SRP54: variants seen among roughly 807,000 people sequenced by gnomAD.
SRP54 encodes signal recognition particle 54.
SRP54 carries 10 observed loss-of-function variants against 64.8 expected under a neutral mutation model. That is an observed-to-expected ratio of 0.15 (90% CI 0.10 to 0.26). The LOEUF is 0.26. SRP54 is among the 10% of genes least tolerant of loss of function. The probability of loss-of-function intolerance (pLI) is 1.00; values close to 1 mark genes in which losing one functional copy is unlikely to be tolerated. For missense variants in SRP54, 325 were observed against 613.7 expected (o/e 0.53, Z 4.97); for synonymous variants, 193 against 185.6 (o/e 1.04, Z -0.32).
intron 13 of SRP54, among the ~76,000 whole-genome samples, chr14:35,020,852 A>G (rs1214099379): frequency 6.6e-6 from 1 of 152,208 alleles, no homozygotes; most frequent in Non-Finnish European, 1.5e-5. Context: ...TCAAATTAGG[A>G]AACTGGGATA....
At position 34,988,575 on chromosome 14, in the gene SRP54, A is replaced by AT. The variant is rs1335355701; in HGVS notation, c.-34+5360_-34+5361insT. ...GACTCCATCTCAAAAAAAAAAAAAA[A>AT]AAAATATATATATATATATAACATA... On this transcript the variant is annotated intron_variant, in intron 1 of 15. Coordinates refer to ENST00000216774, the MANE Select transcript of SRP54 (RefSeq NM_003136.4). Among the ~76,000 whole-genome samples, 254 of 26,394 alleles carry AT rather than the reference A, an allele frequency of 9.6e-3. 9 individuals carry two copies. The highest frequency in any genetic ancestry group is 0.025 in the Non-Finnish European group (171 of 6,886). The allele number at this position is 26,394 out of a possible 152,430, so 17.3% of individuals were successfully genotyped here.
At position 35,022,882 on chromosome 14, in the gene SRP54, G is replaced by T. The variant is rs759705044; in HGVS notation, c.1157-28G>T. 1.9e-6 allele frequency: 3 copies of T among 1,562,102 alleles called. No homozygotes were observed. In the African/African-American group the frequency reaches 4.1e-5, roughly 21 times the overall value. ...TGCTTTGATGGTGAATGATAATTGTGTGTGAGAGTAACTGACCTTGTCTAC... is the reference window on the plus strand; with the variant it reads ...TGCTTTGATGGTGAATGATAATTGTTTGTGAGAGTAACTGACCTTGTCTAC... On this transcript the variant is annotated intron_variant, in intron 13 of 15. Coordinates refer to ENST00000216774, the MANE Select transcript of SRP54 (RefSeq NM_003136.4).
intron 4 of SRP54, among the ~76,000 whole-genome samples, chr14:35,003,692 C>T (rs1039444808): frequency 9.8e-4 from 148 of 151,412 alleles, no homozygotes; most frequent in African/African-American, 3.3e-3. Flanking sequence ...ACCTGAGCCT[C>T]CTAGTAGCTG....
At chr14:34,993,804 A>C (rs1203946903) in intron 1 of SRP54, among the ~76,000 whole-genome samples, 1 of 149,754 alleles carries the variant, frequency 6.7e-6, no homozygotes, top group African/African-American at 2.5e-5. Flanking sequence ...CAAGCGATTC[A>C]CCTGTCTCAG....
chr14:35,020,412 T>C (rs1595011846), intron 13 of SRP54, among the ~76,000 whole-genome samples: 3 of 152,210 alleles, frequency 2.0e-5, no homozygotes, highest in African/African-American at 7.2e-5. Context: ...AAAAGATTTC[T>C]CTGTAGTATT....
At position 35,011,527 on chromosome 14, in the gene SRP54, T is replaced by G; in HGVS notation, c.504T>G (p.Pro168=). The G allele has an allele frequency of 6.5e-6, 10 of 1,549,894 alleles. No homozygotes were observed. The highest frequency in any genetic ancestry group is 8.8e-6 in the Non-Finnish European group (10 of 1,141,822). ...TATATAGCTATACAGAAATGGATCC[T>G]GTCATCATTGCTTCTGAAGGAGTAG... ...PFYGSYTEMD[P]VIIASEGVEK... is the part of the protein sequence containing the mutation. The change falls in exon 8 of 16, where the codon CCT becomes CCG. Residue 168 remains proline (P), a synonymous_variant. Transcript: ENST00000216774.
Position 35,011,623 on chromosome 14 carries a change from T to C in SRP54, c.600T>C (p.Ser200=). Residue 200 remains serine (S), a synonymous_variant, in exon 8 of 16, where the codon TCT becomes TCC. Coordinates refer to ENST00000216774, the MANE Select transcript of SRP54 (RefSeq NM_003136.4). The stretch of plus-strand genomic sequence containing the variant: ...GTGGCCGCCACAAACAAGAAGACTC[T>C]TTGTTTGAAGAAATGCTTCAAGTTG... ...DTSGRHKQED[S]LFEEMLQVAN... is the part of the protein sequence containing the mutation. 6.3e-7 allele frequency: 1 copy of C among 1,586,200 alleles called. No homozygotes were observed. The highest frequency in any genetic ancestry group is 1.3e-5 in the African/African-American group (1 of 74,486).
chr14:35,007,304 G>A lies in SRP54; in HGVS notation c.277G>A (p.Ala93Thr). The A allele has an allele frequency of 6.3e-7, 1 of 1,589,408 alleles. No homozygotes were observed. The highest frequency in any genetic ancestry group is 8.6e-7 in the Non-Finnish European group (1 of 1,163,438). ...LVKLVDPGVK[A>T]WTPTKGKQNV... Reference sequence around the variant, plus strand: ...TTAGCTTGTAGACCCTGGAGTTAAGGCATGGACACCCACTAAAGGAAAACA... The same window carrying A: ...TTAGCTTGTAGACCCTGGAGTTAAGACATGGACACCCACTAAAGGAAAACA... The change falls in exon 5 of 16, where the codon GCA (alanine) becomes ACA (threonine). Residue 93 changes from alanine to threonine, a missense_variant. Transcript: ENST00000216774.
intron 10 of SRP54, 111 bp from the exon 11 acceptor site, chr14:35,014,633 A>C: frequency 2.4e-6 from 2 of 817,472 alleles, no homozygotes; most frequent in South Asian, 1.6e-5. Flanking sequence ...TGTAGTAAGA[A>C]TACCTAACCT....
At chr14:34,992,526 A>G (rs911473412) in intron 1 of SRP54, among the ~76,000 whole-genome samples, 6 of 152,296 alleles carry the variant, frequency 3.9e-5, no homozygotes, top group African/African-American at 1.4e-4. Context: ...ATCCTAAGAG[A>G]ACTAATTCAG....
intron 1 of SRP54, among the ~76,000 whole-genome samples, chr14:34,987,539 G>A (rs1420518713): frequency 6.6e-6 from 1 of 151,956 alleles, no homozygotes; most frequent in African/African-American, 2.4e-5. Flanking sequence ...ACCATAATAT[G>A]TGATCTTTTG....
rs1341576257 is a variant in SRP54, at chr14:34,987,284, TATACACAC to T, written c.-34+4071_-34+4078del. Among the ~76,000 whole-genome samples the T allele has an allele frequency of 1.7e-4, 22 of 127,160 alleles. No individual in the cohort carries two copies. The East Asian group carries it at 5.2e-3, about 30-fold the overall frequency. 83.4% of individuals were successfully genotyped at this position (127,160 alleles called of 152,430 possible). Reference sequence around the variant, plus strand: ...ATGTGTGTGTGTGTGTGTATATATATATACACACACACACACACATAATTCTTAGTTCA... The same window carrying T: ...ATGTGTGTGTGTGTGTGTATATATATACACACACACATAATTCTTAGTTCA... On this transcript the variant is annotated intron_variant, in intron 1 of 15. Transcript: ENST00000216774.
At chr14:35,027,366 T>TCTAATAG (rs1206010161) in intron 14 of SRP54, among the ~76,000 whole-genome samples, 1 of 151,698 alleles carries the variant, frequency 6.6e-6, no homozygotes, top group Non-Finnish European at 1.5e-5. Flanking sequence ...CTACCAGCCA[T>TCTAATAG]CCAGTCTCTT....
chr14:34,995,154 T>G (rs1203883146), intron 1 of SRP54, among the ~76,000 whole-genome samples: 3 of 121,936 alleles, frequency 2.5e-5, no homozygotes, highest in Admixed American at 8.3e-5. Flanking sequence ...TGTGTGTGTG[T>G]GTGTGTGTGT....
Position 35,018,968 on chromosome 14 carries a change from G to A in SRP54, c.1050G>A (p.Gly350=), listed in dbSNP as rs555730639. ...CTTTATGTTTAAATCTGTTGTAGGG[G>A]ATGATCCCTGGTTTTGGGACAGATT... The part of the protein sequence containing the change: ...MKMGPFSQIL[G]MIPGFGTDFM... The change falls in exon 13 of 16, where the codon GGG becomes GGA. Residue 350 remains glycine (G), a splice_region_variant and synonymous_variant. Coordinates refer to ENST00000216774, the MANE Select transcript of SRP54 (RefSeq NM_003136.4). 6.2e-7 allele frequency: 1 copy of A among 1,612,988 alleles called. No homozygotes were observed. Among genetic ancestry groups the A allele is most frequent in the African/African-American group, 1.3e-5 (1 of 75,014 alleles).
chr14:35,002,037 TA>T lies in SRP54; in HGVS notation c.255+1031del, dbSNP rs1157506657. ...GCAACATAGTGAGAACCAGTCTCTA[TA>T]AAAAAAAAAAAAATTGATAAAAATA... On this transcript the variant is annotated intron_variant, in intron 4 of 15. Transcript: ENST00000216774. 5.1e-3 allele frequency among the ~76,000 whole-genome samples: 697 copies of T among 137,802 alleles called. 5 individuals carry two copies. The highest frequency in any genetic ancestry group is 7.4e-3 in the Middle Eastern group (2 of 270). The allele number at this position is 137,802 out of a possible 152,430, so 90.4% of individuals were successfully genotyped here.
chr14:35,008,426 T>C lies in SRP54; in HGVS notation c.361-201T>C, dbSNP rs1594998138. On this transcript the variant is annotated intron_variant, in intron 5 of 15. Transcript: ENST00000216774. ...CATTTGCTACTTGATCATTTTATATTTGAATGCTACTGCATGACAATTAGA... is the reference window on the plus strand; with the variant it reads ...CATTTGCTACTTGATCATTTTATATCTGAATGCTACTGCATGACAATTAGA... Among the ~76,000 whole-genome samples the C allele has an allele frequency of 2.0e-5, 3 of 152,286 alleles. No individual in the cohort carries two copies. The Middle Eastern group carries it at 0.01, about 518-fold the overall frequency.
intron 4 of SRP54, among the ~76,000 whole-genome samples, chr14:35,006,084 C>T (rs1566648757): frequency 6.6e-6 from 1 of 152,016 alleles, no homozygotes; most frequent in Non-Finnish European, 1.5e-5. Flanking sequence ...TGTGATCCAC[C>T]TGCCTCTGCC....
Position 35,022,944 on chromosome 14 carries a change from T to C in SRP54, c.1191T>C (p.Ser397=), listed in dbSNP as rs200155234. The C allele has an allele frequency of 3.5e-5, 57 of 1,613,868 alleles. No homozygotes were observed. In the East Asian group the frequency reaches 9.8e-4, roughly 28 times the overall value. Residue 397 remains serine, a synonymous_variant, in exon 14 of 16, where the codon AGT becomes AGC. Transcript: ENST00000216774. ...LDSTDGAKVF[S]KQPGRIQRVA... ...GTACGGATGGTGCCAAAGTTTTTAGTAAACAACCAGGAAGAATCCAAAGAG... is the reference window on the plus strand; with the variant it reads ...GTACGGATGGTGCCAAAGTTTTTAGCAAACAACCAGGAAGAATCCAAAGAG...
Sources: gnomAD v4.1 joint callset for allele counts (sites outside exome capture counted in the v4.1 genomes callset) on GRCh38, gnomAD v4.1.1 for gene constraint, MANE v1.5 for transcripts, NCBI Gene and HGNC (gene_info 2026-07-23, HGNC 2026-07-21) for gene names.